The following SLC16A10 variants were observed in gnomAD, a reference collection of about 807,000 sequenced individuals.
The protein encoded by SLC16A10 is monocarboxylate transporter 10.
SLC16A10 carries 27 observed loss-of-function variants against 40.0 expected under a neutral mutation model. That is an observed-to-expected ratio of 0.67 (90% confidence interval 0.50 to 0.93). SLC16A10 has a LOEUF of 0.93. SLC16A10 is among the 40% of genes least tolerant of loss of function. SLC16A10 has a pLI of 0.00. For missense variants in SLC16A10, 529 were observed against 658.2 expected (o/e 0.80, Z 2.15); for synonymous variants, 213 against 249.8 (o/e 0.85, Z 1.39).
intron 1 of SLC16A10, among the ~76,000 whole-genome samples, chr6:111,142,333 A>G (rs1049270215): frequency 1.3e-5 from 2 of 152,208 alleles, no homozygotes; most frequent in African/African-American, 2.4e-5. Flanking sequence ...ATGAATCTAG[A>G]CACAGACCTT....
intron 1 of SLC16A10, 35 bp downstream of exon 1, chr6:111,088,130 G>A (rs201665705): frequency 7.0e-6 from 11 of 1,579,894 alleles, no homozygotes; most frequent in Non-Finnish European, 9.4e-6. Flanking sequence ...CAGCCTGGGC[G>A]ACCCGCGTGG....
intron 1 of SLC16A10, among the ~76,000 whole-genome samples, chr6:111,120,704 G>A (rs970782310): frequency 1.3e-5 from 2 of 152,186 alleles, no homozygotes; most frequent in Admixed American, 1.3e-4. Context: ...AGCAGATACT[G>A]TAGATTATTT....
chr6:111,114,047 CA>C (rs2114463552), intron 1 of SLC16A10, among the ~76,000 whole-genome samples: 1 of 152,336 alleles, frequency 6.6e-6, no homozygotes, highest in South Asian at 2.1e-4. Flanking sequence ...CAGCTACATA[CA>C]GATCAAACAA....
intron 1 of SLC16A10, 135 bp from the exon 2 acceptor site, chr6:111,172,560 A>G: frequency 9.8e-7 from 1 of 1,020,036 alleles, no homozygotes; most frequent in Non-Finnish European, 1.4e-6. Flanking sequence ...TTCCATGGCA[A>G]AAGAACTAAG....
intron 3 of SLC16A10, among the ~76,000 whole-genome samples, chr6:111,197,593 G>A (rs2114573801): frequency 6.6e-6 from 1 of 152,248 alleles, no homozygotes; most frequent in East Asian, 1.9e-4. Context: ...TTAGGTTCTT[G>A]TGTTCCTATA....
At position 111,182,343 on chromosome 6, in the gene SLC16A10, G is replaced by C. The variant is rs558987939; in HGVS notation, c.942+4678G>C. Among the ~76,000 whole-genome samples, 3 of 99,222 alleles carry C rather than the reference G, an allele frequency of 3.0e-5. 1 individual carries two copies. The highest frequency in any genetic ancestry group is 4.0e-5 in the Non-Finnish European group (2 of 50,436). 65.1% of individuals were successfully genotyped at this position (99,222 alleles called of 152,430 possible). On this transcript the variant is annotated intron_variant, in intron 3 of 5. Transcript: ENST00000368851. ...TTTTTTTTTTTTTTTCCTTTTTAACGGCTCCTCTGACTCCTCTCATTTAGC... is the reference window on the plus strand; with the variant it reads ...TTTTTTTTTTTTTTTCCTTTTTAACCGCTCCTCTGACTCCTCTCATTTAGC...
chr6:111,135,161 G>A (rs1771855288), intron 1 of SLC16A10, among the ~76,000 whole-genome samples: 1 of 152,184 alleles, frequency 6.6e-6, no homozygotes. Context: ...ATAGGAGAAG[G>A]AACACCCATT....
At chr6:111,100,985 T>C (rs1218496747) in intron 1 of SLC16A10, among the ~76,000 whole-genome samples, 62 of 87,276 alleles carry the variant, frequency 7.1e-4, no homozygotes, top group Non-Finnish European at 1.3e-3. Context: ...TCTCTCTCTC[T>C]CTCTCTCTAT....
chr6:111,093,834 A>C (rs1771026332), intron 1 of SLC16A10, among the ~76,000 whole-genome samples: 1 of 152,202 alleles, frequency 6.6e-6, no homozygotes, highest in South Asian at 2.1e-4. Context: ...GCAATAAACC[A>C]ATCTAAACTA....
chr6:111,119,733 A>G (rs897014786), intron 1 of SLC16A10, among the ~76,000 whole-genome samples: 2 of 152,354 alleles, frequency 1.3e-5, no homozygotes, highest in Non-Finnish European at 1.5e-5. Flanking sequence ...TGAGGTCACA[A>G]GGGTGGGGTC....
intron 1 of SLC16A10, among the ~76,000 whole-genome samples, chr6:111,151,654 C>G (rs1315025543): frequency 3.3e-5 from 5 of 152,218 alleles, no homozygotes; most frequent in Non-Finnish European, 5.9e-5. Flanking sequence ...AATGTTGACT[C>G]TCTGACATTT....
chr6:111,091,188 TTTTTA>T (rs1205195670), intron 1 of SLC16A10: 2 of 152,180 alleles, frequency 1.3e-5, no homozygotes, highest in East Asian at 3.8e-4. Flanking sequence ...AGAGCTGGGA[TTTTTA>T]TTTTAATTAT....
intron 1 of SLC16A10, among the ~76,000 whole-genome samples, chr6:111,170,511 G>A (rs185821532): frequency 5.5e-4 from 83 of 152,204 alleles, no homozygotes; most frequent in Admixed American, 1.8e-3. Flanking sequence ...GCGCAGTGGC[G>A]CGATCTCGGC....
Position 111,125,040 on chromosome 6 carries a change from C to T in SLC16A10, c.343+36945C>T, listed in dbSNP as rs539636116. 6.4e-4 allele frequency among the ~76,000 whole-genome samples: 98 copies of T among 152,202 alleles called. 2 individuals carry two copies. Among genetic ancestry groups the T allele is most frequent in the Admixed American group, 4.6e-4 (7 of 15,294 alleles). Reference sequence around the variant, plus strand: ...TAACCTTAGTACAGCTATAATGGGACGGTGAAATACAACTAGGAAAGTATC... The same window carrying T: ...TAACCTTAGTACAGCTATAATGGGATGGTGAAATACAACTAGGAAAGTATC... On this transcript the variant is annotated intron_variant, in intron 1 of 5. Transcript: ENST00000368851.
chr6:111,209,346 G>A (rs536369353), intron 4 of SLC16A10, among the ~76,000 whole-genome samples: 6 of 152,322 alleles, frequency 3.9e-5, no homozygotes, highest in Non-Finnish European at 7.4e-5. Flanking sequence ...ATGAGAATTT[G>A]ATGAAGCCAC....
chr6:111,134,268 A>G (rs1276165708), intron 1 of SLC16A10, among the ~76,000 whole-genome samples: 1 of 152,220 alleles, frequency 6.6e-6, no homozygotes, highest in Non-Finnish European at 1.5e-5. Flanking sequence ...AAGCCTATGA[A>G]TTATTCAATG....
At position 111,212,629 on chromosome 6, in the gene SLC16A10, C is replaced by CA; in HGVS notation, c.1086+5900dup. ...GCAACATAGTGAGACCTCATCTCTA[C>CA]AAAAAATTAAAAAGTTAGCTGGACA... is the stretch of plus-strand genomic sequence containing the variant. On this transcript the variant is annotated intron_variant, in intron 4 of 5. Coordinates refer to ENST00000368851, the MANE Select transcript of SLC16A10 (RefSeq NM_018593.5). Among the ~76,000 whole-genome samples the CA allele has an allele frequency of 2.0e-5, 3 of 152,058 alleles. No homozygotes were observed. In the Middle Eastern group the frequency reaches 0.01, roughly 517 times the overall value.
chr6:111,167,679 AAGAG>A (rs959126207), intron 1 of SLC16A10, among the ~76,000 whole-genome samples: 1 of 150,946 alleles, frequency 6.6e-6, no homozygotes. Flanking sequence ...GAGAGAGAGA[AAGAG>A]AGAGAGACGA....
At chr6:111,189,910 C>G (rs918186918) in intron 3 of SLC16A10, among the ~76,000 whole-genome samples, 11 of 152,184 alleles carry the variant, frequency 7.2e-5, no homozygotes, top group African/African-American at 2.7e-4. Flanking sequence ...TGGCTCCTCC[C>G]AAATTTCATG....
Sources: allele counts gnomAD v4.1 joint callset (sites outside exome capture counted in the v4.1 genomes callset), GRCh38; gene constraint gnomAD v4.1.1; transcripts MANE v1.5; gene names NCBI Gene and HGNC (gene_info 2026-07-23, HGNC 2026-07-21).